Variants in SHQ1 observed in about 807,000 individuals in gnomAD.
SHQ1 encodes the protein SHQ1, H/ACA ribonucleoprotein assembly factor.
Under a neutral mutation model 53.8 loss-of-function variants are expected in SHQ1, and 49 were observed. The observed-to-expected ratio is 0.91, with a 90% CI of 0.72 to 1.16. The LOEUF is 1.16. Among genes scored for constraint, SHQ1 ranks in the 50% most tolerant of loss-of-function variants. The pLI is 0.00. For missense variants in SHQ1, 738 were observed against 683.1 expected, an observed-to-expected ratio of 1.08 and a Z score of -0.90; for synonymous variants, 243 against 251.0, an observed-to-expected ratio of 0.97 and a Z score of 0.30.
At chr3:72,753,102 C>A (rs1387461024) in intron 10 of SHQ1, 1 of 985,284 alleles carries the variant, frequency 1.0e-6, no homozygotes, top group Non-Finnish European at 1.2e-6. Context: ...AACTGGCATT[C>A]TCCAAAGATG....
At chr3:72,779,786 C>T (rs959767160) in intron 10 of SHQ1, among the ~76,000 whole-genome samples, 2 of 152,170 alleles carry the variant, frequency 1.3e-5, no homozygotes, top group Non-Finnish European at 2.9e-5. Flanking sequence ...GAGGAGAGCC[C>T]ACCTTAAAAT....
chr3:72,842,917 A>C (rs1263886508), intron 2 of SHQ1, among the ~76,000 whole-genome samples: 1 of 152,140 alleles, frequency 6.6e-6, no homozygotes, highest in Non-Finnish European at 1.5e-5. Flanking sequence ...CTACTAAAAA[A>C]TACAAAAATT....
At chr3:72,755,869 G>C (rs186623953) in intron 10 of SHQ1, among the ~76,000 whole-genome samples, 389 of 152,282 alleles carry the variant, frequency 2.6e-3, no homozygotes, top group Non-Finnish European at 4.0e-3. Context: ...GGCATTATTA[G>C]ATAACCACTC....
At chr3:72,769,845 C>T (rs2322614) in intron 10 of SHQ1, among the ~76,000 whole-genome samples, 3,004 of 152,284 alleles carry the variant, frequency 0.02, 102 homozygotes, top group African/African-American at 0.07. Flanking sequence ...CGGCAAACAA[C>T]TGACTGACCA....
At chr3:72,788,152 G>C (rs1336163951) in intron 10 of SHQ1, among the ~76,000 whole-genome samples, 3 of 152,184 alleles carry the variant, frequency 2.0e-5, no homozygotes, top group African/African-American at 7.2e-5. Context: ...TAGTAAGTGA[G>C]GAGCGTCTCT....
At chr3:72,738,897 C>T in the SHQ1 span, among the ~76,000 whole-genome samples, 1 of 152,208 alleles carries the variant, frequency 6.6e-6, no homozygotes, top group East Asian at 1.9e-4. Flanking sequence ...CCCCACCCCG[C>T]CCCGCCCCGC....
At chr3:72,816,652 A>G (rs1242936689) in intron 7 of SHQ1, among the ~76,000 whole-genome samples, 1 of 152,212 alleles carries the variant, frequency 6.6e-6, no homozygotes, top group Non-Finnish European at 1.5e-5. Flanking sequence ...TGAAGAAATA[A>G]TTTACAAAAG....
In SHQ1 at chr3:72,779,452, T is replaced by C. The variant is rs188556965; in HGVS notation, c.1181+13464A>G. The stretch of plus-strand genomic sequence containing the variant: ...CATCTCTCGTGGCAGTATGAATCTT[T>C]TCTTTTGCACCACTTTCCAAGGTTT... On this transcript the variant is annotated intron_variant, in intron 10 of 10. Transcript: ENST00000325599. Among the ~76,000 whole-genome samples, 48 of 152,302 alleles carry C rather than the reference T, an allele frequency of 3.2e-4. 1 individual carries two copies. The East Asian group carries it at 6.6e-3, about 21-fold the overall frequency.
At chr3:72,726,772 G>T in the SHQ1 span, among the ~76,000 whole-genome samples, 2 of 152,174 alleles carry the variant, frequency 1.3e-5, no homozygotes, top group East Asian at 1.9e-4. Context: ...ATGATTGAGG[G>T]CTTTCTCTAA....
chr3:72,803,179 AC>A (rs1422210010), intron 9 of SHQ1, among the ~76,000 whole-genome samples: 1 of 152,224 alleles, frequency 6.6e-6, no homozygotes, highest in Admixed American at 6.5e-5. Flanking sequence ...TATGGCTCTT[AC>A]AGTGTGATTT....
At chr3:72,813,191 A>C (rs1169731382) in intron 8 of SHQ1, among the ~76,000 whole-genome samples, 1 of 152,178 alleles carries the variant, frequency 6.6e-6, no homozygotes, top group Non-Finnish European at 1.5e-5. Context: ...TGTAGAACTC[A>C]CCGGGAGTGG....
At chr3:72,824,311 T>C (rs1272049178) in intron 6 of SHQ1, 113 bp downstream of exon 6, 2 of 1,293,526 alleles carry the variant, frequency 1.5e-6, no homozygotes, top group African/African-American at 3.1e-5. Context: ...CAAACTCATA[T>C]TTTAACATTA....
chr3:72,781,237 G>A (rs1706065623), intron 10 of SHQ1, among the ~76,000 whole-genome samples: 1 of 151,814 alleles, frequency 6.6e-6, no homozygotes, highest in South Asian at 2.1e-4. Flanking sequence ...GTATTCTTAA[G>A]TAGAGATGGG....
In SHQ1 at chr3:72,808,137, G is replaced by T. The variant is rs552413371; in HGVS notation, c.1060+4534C>A. ...AAATCATGTTTTCCACAAAATGGTG[G>T]ATAAATTCAAATTTGAAACTTGGTA... On this transcript the variant is annotated intron_variant, in intron 9 of 10. Transcript: ENST00000325599. 5.3e-5 allele frequency among the ~76,000 whole-genome samples: 8 copies of T among 152,118 alleles called. No individual in the cohort carries two copies. In the South Asian group the frequency reaches 1.7e-3, roughly 32 times the overall value.
At chr3:72,774,767 G>T (rs1705921060) in intron 10 of SHQ1, among the ~76,000 whole-genome samples, 1 of 152,168 alleles carries the variant, frequency 6.6e-6, no homozygotes. Flanking sequence ...GAAATAAAAT[G>T]ATACAGATAA....
At chr3:72,831,959 T>C (rs542699386) in intron 5 of SHQ1, among the ~76,000 whole-genome samples, 2 of 152,368 alleles carry the variant, frequency 1.3e-5, no homozygotes, top group South Asian at 4.1e-4. Context: ...AGGAAGATCC[T>C]GGGATCAGCC....
At chr3:72,759,679 A>T (rs1016540724) in intron 10 of SHQ1, among the ~76,000 whole-genome samples, 2 of 152,338 alleles carry the variant, frequency 1.3e-5, no homozygotes, top group Middle Eastern at 3.4e-3. Context: ...CAACAGAGGG[A>T]GACTCTTGTG....
At chr3:72,772,893 A>G in intron 10 of SHQ1, 1 of 788,884 alleles carries the variant, frequency 1.3e-6, no homozygotes, top group Non-Finnish European at 2.3e-6. Context: ...AATTGGAAGC[A>G]CAGGCTGTTA....
At chr3:72,759,295 T>C (rs562806888) in intron 10 of SHQ1, among the ~76,000 whole-genome samples, 16 of 152,262 alleles carry the variant, frequency 1.1e-4, no homozygotes, top group African/African-American at 3.9e-4. Flanking sequence ...CTGAAATCAA[T>C]AGTGGAGATG....
Sources: allele counts gnomAD v4.1 joint callset (sites outside exome capture counted in the v4.1 genomes callset), GRCh38; gene constraint gnomAD v4.1.1; transcripts MANE v1.5; gene names NCBI Gene and HGNC (gene_info 2026-07-23, HGNC 2026-07-21).